SMAD2: variants seen among roughly 807,000 people sequenced by gnomAD.
SMAD2 encodes SMAD family member 2, also known as MAD homolog 2.
In SMAD2, 8 loss-of-function variants were observed where a neutral mutation model predicts 64.4. That is an observed-to-expected ratio of 0.12 (90% CI 0.07 to 0.22). The LOEUF is 0.22. Ranked by LOEUF, SMAD2 falls within the 10% of genes least tolerant of loss-of-function variation. The probability of loss-of-function intolerance (pLI) is 1.00; values close to 1 mark genes in which losing one functional copy is unlikely to be tolerated. For missense variants in SMAD2, 289 were observed against 561.2 expected (o/e 0.51, Z 4.90); for synonymous variants, 203 against 195.8 (o/e 1.04, Z -0.31).
intron 4 of SMAD2, among the ~76,000 whole-genome samples, chr18:47,868,899 A>G (rs992758533): frequency 6.6e-6 from 1 of 152,222 alleles, no homozygotes; most frequent in Non-Finnish European, 1.5e-5. Flanking sequence ...TGATGTCATT[A>G]AAGTACTTCT....
At chr18:47,917,839 C>G (rs1405503919) in intron 1 of SMAD2, among the ~76,000 whole-genome samples, 1 of 152,126 alleles carries the variant, frequency 6.6e-6, no homozygotes, top group Non-Finnish European at 1.5e-5. Flanking sequence ...AGGCATGAGC[C>G]ACCACGCCTA....
chr18:47,916,480 G>C (rs144445296), intron 1 of SMAD2, among the ~76,000 whole-genome samples: 1 of 152,070 alleles, frequency 6.6e-6, no homozygotes, highest in Non-Finnish European at 1.5e-5. Context: ...GCAGTGGCAC[G>C]ATCTTGTCTC....
At chr18:47,849,287 G>C (rs997560493) in intron 7 of SMAD2, among the ~76,000 whole-genome samples, 1 of 151,948 alleles carries the variant, frequency 6.6e-6, no homozygotes. Context: ...ACAGACCATA[G>C]AGTCAAAAGA....
intron 2 of SMAD2, among the ~76,000 whole-genome samples, chr18:47,896,185 A>G (rs2033430662): frequency 6.6e-6 from 1 of 152,234 alleles, no homozygotes; most frequent in African/African-American, 2.4e-5. Context: ...TTTTGACTAA[A>G]GGAGGAGAAA....
intron 1 of SMAD2, among the ~76,000 whole-genome samples, chr18:47,904,772 A>G (rs1598870954): frequency 6.6e-6 from 1 of 152,234 alleles, no homozygotes; most frequent in African/African-American, 2.4e-5. Context: ...AAACGCACCT[A>G]TGATTCTCTC....
At chr18:47,903,159 G>A in intron 1 of SMAD2, among the ~76,000 whole-genome samples, 1 of 152,138 alleles carries the variant, frequency 6.6e-6, no homozygotes. Flanking sequence ...TCCCAAGAGA[G>A]TCTAGACATT....
At chr18:47,927,574 T>G (rs2034815145) in intron 1 of SMAD2, among the ~76,000 whole-genome samples, 1 of 152,226 alleles carries the variant, frequency 6.6e-6, no homozygotes, top group South Asian at 2.1e-4. Flanking sequence ...AAAAGCTGTT[T>G]GTTGAATAAA....
At chr18:47,847,003 A>C (rs1000286502) in intron 8 of SMAD2, among the ~76,000 whole-genome samples, 2 of 152,174 alleles carry the variant, frequency 1.3e-5, no homozygotes, top group African/African-American at 4.8e-5. Flanking sequence ...ACTAAGTCCA[A>C]AAAGTAGAGA....
chr18:47,816,738 C>A lies in SMAD2; in HGVS notation c.*25089G>T, dbSNP rs1388925538. The A allele has an allele frequency of 2.0e-5, 3 of 151,242 alleles. No homozygotes were observed. The highest frequency in any genetic ancestry group is 7.3e-5 in the African/African-American group (3 of 41,196). The allele number at this position is 151,242 out of a possible 1,614,324, so 9.4% of individuals were successfully genotyped here. A position where few individuals can be genotyped will look rare whatever the true frequency, so the allele number is the denominator to read the frequency against. ...TTGTCTTCCTTTACTTCCCTGAATACACACGTAGTTTACCATGACATGGGT... is the reference window on the plus strand; with the variant it reads ...TTGTCTTCCTTTACTTCCCTGAATAAACACGTAGTTTACCATGACATGGGT... On this transcript the variant is annotated 3_prime_UTR_variant, in exon 11 of 11. Coordinates refer to ENST00000262160, the MANE Select transcript of SMAD2 (RefSeq NM_005901.6).
chr18:47,871,299 T>C (rs1198068534), intron 2 of SMAD2, among the ~76,000 whole-genome samples: 2 of 152,230 alleles, frequency 1.3e-5, no homozygotes, highest in Non-Finnish European at 2.9e-5. Flanking sequence ...AGTACTAAGT[T>C]GTACTTTTCT....
At position 47,808,984 on chromosome 18, in the gene SMAD2, C is replaced by T. The variant is rs1461011962; in HGVS notation, c.*32843G>A. ...CATTTCCACCTTTATTCTTTATTAC[C>T]AACACCAAACAGCACCTCAGGTGGT... On this transcript the variant is annotated 3_prime_UTR_variant, in exon 11 of 11. Transcript: ENST00000262160. The T allele has an allele frequency of 6.6e-6, 1 of 152,134 alleles. No individual in the cohort carries two copies. The highest frequency in any genetic ancestry group is 2.4e-5 in the African/African-American group (1 of 41,436). 9.4% of individuals were successfully genotyped at this position (152,134 alleles called of 1,614,324 possible). A position where few individuals can be genotyped will look rare whatever the true frequency, so the allele number is the denominator to read the frequency against.
intron 1 of SMAD2, among the ~76,000 whole-genome samples, chr18:47,920,864 C>T (rs934528500): frequency 1.3e-5 from 2 of 152,324 alleles, no homozygotes; most frequent in East Asian, 3.9e-4. Context: ...ATGATATATT[C>T]AGACACCCGG....
In SMAD2 at chr18:47,841,663, A is replaced by C. The variant is rs1195884016; in HGVS notation, c.*164T>G. The C allele has an allele frequency of 8.4e-6, 6 of 714,094 alleles. No homozygotes were observed. The highest frequency in any genetic ancestry group is 1.5e-5 in the Non-Finnish European group (6 of 412,876). 44.2% of individuals were successfully genotyped at this position (714,094 alleles called of 1,614,324 possible). A position where few individuals can be genotyped will look rare whatever the true frequency, so the allele number is the denominator to read the frequency against. ...CACTAATTTTCCCATCTAATATTCA[A>C]ATATAGGAAACAGATTCCACAAGGT... On this transcript the variant is annotated 3_prime_UTR_variant, in exon 11 of 11. Transcript: ENST00000262160.
chr18:47,877,102 A>G (rs1598817615), intron 2 of SMAD2, among the ~76,000 whole-genome samples: 1 of 152,058 alleles, frequency 6.6e-6, no homozygotes, highest in South Asian at 2.1e-4. Flanking sequence ...AACAAAAGTA[A>G]TAAACCCCAT....
intron 4 of SMAD2, 46 bp downstream of exon 4, chr18:47,869,197 C>T (rs1218324373): frequency 7.2e-7 from 1 of 1,396,100 alleles, no homozygotes; most frequent in East Asian, 2.3e-5. Context: ...TACTGAAGTT[C>T]AGGCATTTAA....
intron 1 of SMAD2, among the ~76,000 whole-genome samples, chr18:47,924,860 G>A (rs937549647): frequency 6.6e-6 from 1 of 152,180 alleles, no homozygotes; most frequent in Non-Finnish European, 1.5e-5. Context: ...AGAATTTCTG[G>A]AAGTAGCTGA....
chr18:47,889,641 G>A (rs1043473461), intron 2 of SMAD2, among the ~76,000 whole-genome samples: 5 of 151,940 alleles, frequency 3.3e-5, no homozygotes, highest in African/African-American at 4.8e-5. Context: ...CATGGTGGCA[G>A]GCGCCTGTAG....
chr18:47,848,707 A>T lies in SMAD2; in HGVS notation c.785-20T>A, dbSNP rs774683109. Reference sequence around the variant, plus strand: ...GTAAATCTGAAAAAGAAAAAAATAAAAAAATAATAAAAGGAAGAAATGCGT... The same window carrying T: ...GTAAATCTGAAAAAGAAAAAAATAATAAAATAATAAAAGGAAGAAATGCGT... On this transcript the variant is annotated intron_variant, in intron 7 of 10. Coordinates refer to ENST00000262160, the MANE Select transcript of SMAD2 (RefSeq NM_005901.6). 5.2e-6 allele frequency: 8 copies of T among 1,525,566 alleles called. No homozygotes were observed. The highest frequency in any genetic ancestry group is 3.4e-5 in the Admixed American group (2 of 58,988). The allele number at this position is 1,525,566 out of a possible 1,614,324, so 94.5% of individuals were successfully genotyped here. A position where few individuals can be genotyped will look rare whatever the true frequency, so the allele number is the denominator to read the frequency against.
At chr18:47,902,640 T>A (rs145570031) in intron 1 of SMAD2, among the ~76,000 whole-genome samples, 2 of 152,192 alleles carry the variant, frequency 1.3e-5, no homozygotes, top group South Asian at 4.1e-4. Flanking sequence ...AAGTATTCCA[T>A]AGAAGGAATT....
Sources: allele counts gnomAD v4.1 joint callset (sites outside exome capture counted in the v4.1 genomes callset), GRCh38; gene constraint gnomAD v4.1.1; transcripts MANE v1.5; gene names NCBI Gene and HGNC (gene_info 2026-07-23, HGNC 2026-07-21).